CPVL: variants seen among roughly 807,000 people sequenced by gnomAD.
The protein encoded by CPVL is carboxypeptidase vitellogenic like.
CPVL carries 51 observed loss-of-function variants against 63.7 expected under a neutral mutation model. The observed-to-expected ratio is 0.80, with a 90% CI of 0.64 to 1.01. The LOEUF (loss-of-function observed/expected upper bound fraction) is 1.01. Among genes scored for constraint, CPVL ranks in the 50% least tolerant of loss-of-function variants. The probability of loss-of-function intolerance (pLI) is 0.00; values close to 1 mark genes in which losing one functional copy is unlikely to be tolerated. For synonymous variants in CPVL, 195 were observed against 206.0 expected (o/e 0.95, Z 0.46); for missense variants, 530 against 573.1 (o/e 0.92, Z 0.77).
chr7:29,031,016 T>G (rs1324493292), intron 11 of CPVL, among the ~76,000 whole-genome samples: 1 of 152,212 alleles, frequency 6.6e-6, no homozygotes, highest in East Asian at 1.9e-4. Context: ...CAGTGATACA[T>G]ATATACAGGT....
At chr7:29,097,709 A>T (rs541904119) in intron 3 of CPVL, among the ~76,000 whole-genome samples, 2 of 152,292 alleles carry the variant, frequency 1.3e-5, no homozygotes, top group Admixed American at 6.5e-5. Flanking sequence ...ATAAATAAAT[A>T]ATTAAAGACA....
At chr7:29,179,890 A>G (rs1797844887) in intron 5 of CPVL, among the ~76,000 whole-genome samples, 2 of 152,194 alleles carry the variant, frequency 1.3e-5, no homozygotes, top group Admixed American at 6.5e-5. Context: ...AGTATTACAA[A>G]CAAAAAATCT....
At chr7:29,015,882 A>C (rs1786356278) in intron 12 of CPVL, among the ~76,000 whole-genome samples, 1 of 152,222 alleles carries the variant, frequency 6.6e-6, no homozygotes, top group Admixed American at 6.5e-5. Context: ...TTCTTCAGTT[A>C]TGAGTTAGTA....
At chr7:29,145,240 T>A (rs907602187) in intron 1 of CPVL, among the ~76,000 whole-genome samples, 2 of 149,460 alleles carry the variant, frequency 1.3e-5, no homozygotes, top group African/African-American at 5.0e-5. Flanking sequence ...TCTGCTTACA[T>A]CTTTGTTCTT....
At chr7:29,003,503 C>T (rs1193302320) in intron 12 of CPVL, among the ~76,000 whole-genome samples, 3 of 152,090 alleles carry the variant, frequency 2.0e-5, no homozygotes, top group Admixed American at 6.6e-5. Flanking sequence ...GAAAATTATC[C>T]GTAATGGAAA....
At chr7:29,108,220 G>A (rs143810417) in intron 3 of CPVL, among the ~76,000 whole-genome samples, 71 of 152,310 alleles carry the variant, frequency 4.7e-4, no homozygotes, top group African/African-American at 1.6e-3. Flanking sequence ...CCGTGAAGGG[G>A]CCTAGGCCTG....
intron 4 of CPVL, among the ~76,000 whole-genome samples, chr7:29,181,783 C>A (rs1798086908): frequency 6.6e-6 from 1 of 152,098 alleles, no homozygotes; most frequent in Non-Finnish European, 1.5e-5. Flanking sequence ...TCCTAACAAA[C>A]TTTTTTTCCA....
intron 2 of CPVL, among the ~76,000 whole-genome samples, chr7:29,117,808 T>C (rs1385272687): frequency 1.3e-5 from 2 of 152,246 alleles, no homozygotes; most frequent in Non-Finnish European, 2.9e-5. Context: ...ACATGGTTGG[T>C]ACCCAAATTT....
At chr7:29,154,759 C>T (rs751571125) in intron 5 of CPVL, among the ~76,000 whole-genome samples, 7 of 152,118 alleles carry the variant, frequency 4.6e-5, no homozygotes, top group Non-Finnish European at 7.4e-5. Flanking sequence ...CTCTAGAACC[C>T]GGAAGGCAGA....
At position 29,123,597 on chromosome 7, in the gene CPVL, G is replaced by GA. The variant is rs778757980; in HGVS notation, c.-10-2527dup. Among the ~76,000 whole-genome samples the GA allele has an allele frequency of 7.6e-3, 315 of 41,250 alleles. 78 individuals are homozygous for GA. The highest frequency in any genetic ancestry group is 0.025 in the Middle Eastern group (1 of 40). 27.1% of individuals were successfully genotyped at this position (41,250 alleles called of 152,430 possible). Reference sequence around the variant, plus strand: ...ACAATCTTACTCTCTAACTGGTTCAGAAAAAAAAAAAAAAAAAAAAAAAAA... The same window carrying GA: ...ACAATCTTACTCTCTAACTGGTTCAGAAAAAAAAAAAAAAAAAAAAAAAAAA... On this transcript the variant is annotated intron_variant, in intron 1 of 12. Transcript: ENST00000265394.
rs539998719 is a variant in CPVL at position 29,069,267 on chromosome 7, C to T, written c.864+2506G>A. Among the ~76,000 whole-genome samples, 535 of 151,504 alleles carry T rather than the reference C, an allele frequency of 3.5e-3. 1 individual carries two copies. The highest frequency in any genetic ancestry group is 5.7e-3 in the Non-Finnish European group (386 of 67,866). On this transcript the variant is annotated intron_variant, in intron 9 of 12. Transcript: ENST00000265394. ...CCAGCCCAGCCAACACGGTGAAAACCCGTCTCTACTAAAAATAAGAAAAAT... is the reference window on the plus strand; with the variant it reads ...CCAGCCCAGCCAACACGGTGAAAACTCGTCTCTACTAAAAATAAGAAAAAT...
intron 6 of CPVL, among the ~76,000 whole-genome samples, chr7:29,087,010 C>A (rs1785268377): frequency 6.6e-6 from 1 of 151,872 alleles, no homozygotes; most frequent in African/African-American, 2.4e-5. Context: ...TTTTAATAAC[C>A]AAAGAACAGA....
chr7:29,000,735 CATTTT>C (rs1410161387), intron 12 of CPVL, among the ~76,000 whole-genome samples: 1 of 152,104 alleles, frequency 6.6e-6, no homozygotes, highest in Non-Finnish European at 1.5e-5. Flanking sequence ...CCACTTTAAC[CATTTT>C]AAAGCGTATG....
At chr7:29,048,842 G>A (rs1422360909) in intron 11 of CPVL, among the ~76,000 whole-genome samples, 2 of 151,906 alleles carry the variant, frequency 1.3e-5, no homozygotes, top group Non-Finnish European at 2.9e-5. Flanking sequence ...GACCACAGTG[G>A]GATAAAACTG....
In CPVL at chr7:29,021,347, G is replaced by A. The variant is rs1463498096; in HGVS notation, c.1320+9230C>T. ...CTGCAATTGAAAACCCTCCGTTGGA[G>A]GGGCTTCAAGATGGCTGCCTGACGC... On this transcript the variant is annotated intron_variant, in intron 12 of 12. Coordinates refer to ENST00000265394, the MANE Select transcript of CPVL (RefSeq NM_031311.5). Among the ~76,000 whole-genome samples the A allele has an allele frequency of 4.6e-5, 7 of 152,216 alleles. 1 individual carries two copies. In the East Asian group the frequency reaches 1.4e-3, roughly 29 times the overall value.
intron 11 of CPVL, 73 bp from the exon 12 acceptor site, chr7:29,030,832 T>C: frequency 2.3e-6 from 3 of 1,282,944 alleles, no homozygotes; most frequent in Non-Finnish European, 2.1e-6. Flanking sequence ...TAGGTATAAA[T>C]AGTGAGCCAG....
chr7:29,166,853 C>T lies in CPVL; in HGVS notation c.-11+14437G>A, dbSNP rs564648415. ...ATTTTTTGTTTTTCTATTTCCTGTA[C>T]CTTCTTGAACATTTGAAACATATTT... is the stretch of plus-strand genomic sequence containing the variant. On this transcript the variant is annotated intron_variant, in intron 5 of 16. Transcript: ENST00000409850. Among the ~76,000 whole-genome samples the T allele has an allele frequency of 7.2e-5, 11 of 151,944 alleles. No homozygotes were observed. In the South Asian group the frequency reaches 1.9e-3, roughly 26 times the overall value.
At chr7:29,003,169 CACACACACACACACACACAGAG>C (rs1056217605) in intron 12 of CPVL, among the ~76,000 whole-genome samples, 2 of 80,984 alleles carry the variant, frequency 2.5e-5, no homozygotes, top group Admixed American at 2.5e-4. Flanking sequence ...CACACACACA[CACACACACACACACACACAGAG>C]AGAATAGCAT....
intron 3 of CPVL, among the ~76,000 whole-genome samples, chr7:29,109,323 C>G (rs1209153142): frequency 6.6e-6 from 1 of 152,270 alleles, no homozygotes; most frequent in South Asian, 2.1e-4. Flanking sequence ...AACAGCATCC[C>G]CCCAAAAAAT....
Sources: gnomAD v4.1 joint callset for allele counts (sites outside exome capture counted in the v4.1 genomes callset) on GRCh38, gnomAD v4.1.1 for gene constraint, MANE v1.5 for transcripts, NCBI Gene and HGNC (gene_info 2026-07-23, HGNC 2026-07-21) for gene names.